DNAH9: variants seen among roughly 807,000 people sequenced by gnomAD.
DNAH9 encodes dynein axonemal heavy chain 9, also known as DNAH9 variant protein.
A neutral mutation model predicts 471.6 loss-of-function variants in DNAH9; 345 were observed. That is an observed-to-expected ratio of 0.73 (90% CI 0.67 to 0.80). The LOEUF is 0.80. DNAH9 is among the 30% of genes least tolerant of loss of function. DNAH9 has a pLI of 0.00. For synonymous variants in DNAH9, 2,093 were observed against 2,123.6 expected, an observed-to-expected ratio of 0.99 and a Z score of 0.40; for missense variants, 5,407 against 5,609.2, an observed-to-expected ratio of 0.96 and a Z score of 1.15.
At chr17:11,724,883 C>G (rs1200258227) in intron 27 of DNAH9, among the ~76,000 whole-genome samples, 1 of 152,192 alleles carries the variant, frequency 6.6e-6, no homozygotes, top group African/African-American at 2.4e-5. Context: ...AACTCACCAT[C>G]ATGTAGAATC....
chr17:11,664,431 A>G (rs930833033), intron 14 of DNAH9, among the ~76,000 whole-genome samples: 1 of 152,162 alleles, frequency 6.6e-6, no homozygotes, highest in African/African-American at 2.4e-5. Flanking sequence ...TTGAACCTGA[A>G]ATTTTTATTA....
intron 61 of DNAH9, among the ~76,000 whole-genome samples, chr17:11,914,962 G>A (rs898888751): frequency 6.6e-6 from 1 of 152,134 alleles, no homozygotes; most frequent in Admixed American, 6.6e-5. Flanking sequence ...AAACCTGGGT[G>A]TCAATCATCC....
chr17:11,730,260 A>C (rs1308899501), intron 28 of DNAH9, among the ~76,000 whole-genome samples: 2 of 152,130 alleles, frequency 1.3e-5, no homozygotes, highest in Non-Finnish European at 2.9e-5. Context: ...GTGGCATTGC[A>C]TGAGTGTAGC....
At chr17:11,807,670 T>TCAAGTC in intron 43 of DNAH9, 62 bp from the exon 44 acceptor site, 1 of 1,544,752 alleles carries the variant, frequency 6.5e-7, no homozygotes, top group African/African-American at 1.4e-5. Flanking sequence ...CAAGCCTTTA[T>TCAAGTC]ACATGCTTCT....
At chr17:11,924,648 G>A (rs1157052335) in intron 62 of DNAH9, among the ~76,000 whole-genome samples, 1 of 120,368 alleles carries the variant, frequency 8.3e-6, no homozygotes, top group African/African-American at 3.3e-5. Flanking sequence ...TTTTGAGATG[G>A]AGTCTTGCTC....
Position 11,797,608 on chromosome 17 carries a change from C to T in DNAH9, c.8235C>T (p.Asp2745=). 1 of 1,612,204 alleles carries T rather than the reference C, an allele frequency of 6.2e-7. No homozygotes were observed. Among genetic ancestry groups the T allele is most frequent in the Non-Finnish European group, 8.5e-7 (1 of 1,179,338 alleles). ...TGTCTCATCACCAGGATATTGAAGA[C>T]CCTGTGGAGCAGACCCAAAGCCCGA... ...VLKKTFDDIE[D]PVEQTQSPNL... is the part of the protein sequence containing the mutation. The change falls in exon 43 of 69, where the codon GAC becomes GAT. Residue 2745 remains aspartate (D), a synonymous_variant. Transcript: ENST00000262442.
intron 38 of DNAH9, among the ~76,000 whole-genome samples, chr17:11,773,157 C>A (rs1381056550): frequency 2.0e-5 from 3 of 152,194 alleles, no homozygotes; most frequent in Non-Finnish European, 4.4e-5. Flanking sequence ...AACTGTTGCA[C>A]CTCCTTCATG....
intron 14 of DNAH9, among the ~76,000 whole-genome samples, chr17:11,655,389 A>G (rs1467699567): frequency 6.7e-6 from 1 of 148,574 alleles, no homozygotes; most frequent in Non-Finnish European, 1.5e-5. Flanking sequence ...TGTGTGTAGA[A>G]CTAGATAAAA....
intron 32 of DNAH9, among the ~76,000 whole-genome samples, chr17:11,750,669 CTT>C (rs1398226055): frequency 6.6e-6 from 1 of 152,154 alleles, no homozygotes; most frequent in African/African-American, 2.4e-5. Flanking sequence ...GAAATGCTCT[CTT>C]AATTCCTGTA....
chr17:11,961,721 C>G (rs1461653115), intron 67 of DNAH9, 146 bp from the exon 68 acceptor site: 1 of 993,750 alleles, frequency 1.0e-6, no homozygotes, highest in Non-Finnish European at 1.5e-6. Context: ...TGTCACCTAC[C>G]CCTGGAGTTT....
chr17:11,866,827 G>T (rs574488432), intron 50 of DNAH9, among the ~76,000 whole-genome samples: 1 of 152,368 alleles, frequency 6.6e-6, no homozygotes, highest in African/African-American at 2.4e-5. Flanking sequence ...TCCGAGCCAG[G>T]TGCAGGATAT....
chr17:11,638,321 A>C (rs1316581011), intron 9 of DNAH9, among the ~76,000 whole-genome samples: 1 of 152,136 alleles, frequency 6.6e-6, no homozygotes, highest in Non-Finnish European at 1.5e-5. Flanking sequence ...ATGCCTCCAG[A>C]AGCTATATCG....
At chr17:11,706,973 G>A (rs1248825796) in intron 26 of DNAH9, among the ~76,000 whole-genome samples, 1 of 152,168 alleles carries the variant, frequency 6.6e-6, no homozygotes, top group Non-Finnish European at 1.5e-5. Context: ...CCAGTAAGTA[G>A]TGATAAACTA....
chr17:11,787,021 G>C (rs1470913948), intron 41 of DNAH9, among the ~76,000 whole-genome samples: 1 of 152,152 alleles, frequency 6.6e-6, no homozygotes, highest in East Asian at 1.9e-4. Flanking sequence ...CTCATAGCTT[G>C]ACCACAGTCT....
chr17:11,924,781 G>A (rs951195889), intron 62 of DNAH9, among the ~76,000 whole-genome samples: 17 of 151,688 alleles, frequency 1.1e-4, no homozygotes, highest in African/African-American at 2.9e-4. Context: ...GTACCACCAC[G>A]CCCGGCTAAT....
At chr17:11,920,442 G>A (rs1974100856) in intron 61 of DNAH9, among the ~76,000 whole-genome samples, 1 of 151,330 alleles carries the variant, frequency 6.6e-6, no homozygotes, top group African/African-American at 2.4e-5. Flanking sequence ...CTAACATGGT[G>A]AAACCCTATC....
intron 8 of DNAH9, among the ~76,000 whole-genome samples, chr17:11,632,994 G>A (rs1392783219): frequency 6.6e-6 from 1 of 152,158 alleles, no homozygotes; most frequent in South Asian, 2.1e-4. Context: ...TAGGGAAAGT[G>A]TGACCATGCA....
At chr17:11,634,653 T>C (rs1209586413) in intron 8 of DNAH9, among the ~76,000 whole-genome samples, 1 of 152,194 alleles carries the variant, frequency 6.6e-6, no homozygotes, top group African/African-American at 2.4e-5. Context: ...TGAAAGAAAG[T>C]GTGACCCTAG....
At chr17:11,684,032 A>C (rs552895547) in intron 19 of DNAH9, among the ~76,000 whole-genome samples, 1 of 152,184 alleles carries the variant, frequency 6.6e-6, no homozygotes, top group Non-Finnish European at 1.5e-5. Flanking sequence ...TGGTTTCTCC[A>C]CTGTTAAGTT....
Sources: allele counts gnomAD v4.1 joint callset (sites outside exome capture counted in the v4.1 genomes callset), GRCh38; gene constraint gnomAD v4.1.1; transcripts MANE v1.5; gene names NCBI Gene and HGNC (gene_info 2026-07-23, HGNC 2026-07-21).